PLS1: variants seen among roughly 807,000 people sequenced by gnomAD.
PLS1 encodes plastin-1.
A neutral mutation model predicts 73.7 loss-of-function variants in PLS1; 32 were observed. That is an observed-to-expected ratio of 0.43 (90% CI 0.33 to 0.58). The LOEUF is 0.58. Ranked by LOEUF, PLS1 falls within the 20% of genes least tolerant of loss-of-function variation. The probability of loss-of-function intolerance (pLI) is 0.04; values close to 1 mark genes in which losing one functional copy is unlikely to be tolerated. For synonymous variants in PLS1, 217 were observed against 261.3 expected (o/e 0.83, Z 1.63); for missense variants, 633 against 740.5 (o/e 0.85, Z 1.68).
chr3:142,648,289 G>A (rs1190926691), intron 1 of PLS1, among the ~76,000 whole-genome samples: 3 of 152,100 alleles, frequency 2.0e-5, no homozygotes, highest in Admixed American at 6.5e-5. Context: ...AGAACAATAC[G>A]GAAGAGGCCT....
chr3:142,685,135 A>G (rs1240724909), intron 8 of PLS1, among the ~76,000 whole-genome samples: 2 of 151,972 alleles, frequency 1.3e-5, no homozygotes, highest in South Asian at 4.1e-4. Context: ...CAGTCTCTCA[A>G]TTTGAAGTGA....
rs549426201 is a variant in PLS1 at position 142,704,758 on chromosome 3, C to T, written c.1629+172C>T. ...CTGCCTCCCAGGTTCACACCATTCT[C>T]CTGCCTCAGCCTCCTGAGTAGCTGG... On this transcript the variant is annotated intron_variant, in intron 14 of 15. Transcript: ENST00000457734. Among the ~76,000 whole-genome samples the T allele has an allele frequency of 1.6e-3, 235 of 148,244 alleles. 1 individual carries two copies. Among genetic ancestry groups the T allele is most frequent in the African/African-American group, 5.5e-3 (222 of 40,174 alleles).
chr3:142,599,323 CTTTTTTTT>C (rs869303176), intron 1 of PLS1, among the ~76,000 whole-genome samples: 5 of 44,208 alleles, frequency 1.1e-4, no homozygotes, highest in Non-Finnish European at 2.5e-4. Context: ...CTCAGATATT[CTTTTTTTT>C]TTTTTTTTTT....
At chr3:142,606,807 T>G (rs1037230131) in intron 1 of PLS1, among the ~76,000 whole-genome samples, 18 of 152,372 alleles carry the variant, frequency 1.2e-4, no homozygotes, top group Non-Finnish European at 2.6e-4. Flanking sequence ...AATATGCCAT[T>G]GTGTGGACAT....
At chr3:142,674,233 T>G (rs908956130) in intron 4 of PLS1, among the ~76,000 whole-genome samples, 23 of 152,210 alleles carry the variant, frequency 1.5e-4, no homozygotes, top group Admixed American at 1.5e-3. Flanking sequence ...AGTATTTTAG[T>G]GATCTCTGAA....
At chr3:142,681,599 C>G (rs953724086) in intron 6 of PLS1, among the ~76,000 whole-genome samples, 2 of 152,328 alleles carry the variant, frequency 1.3e-5, no homozygotes, top group African/African-American at 4.8e-5. Flanking sequence ...TCTCTTGTGT[C>G]TCTTGTGTTG....
chr3:142,670,251 C>T (rs1187524335), intron 3 of PLS1, among the ~76,000 whole-genome samples: 1 of 152,174 alleles, frequency 6.6e-6, no homozygotes, highest in Non-Finnish European at 1.5e-5. Flanking sequence ...GTAGACATGA[C>T]AGCATGTGTA....
At chr3:142,608,023 A>G (rs1022715600) in intron 1 of PLS1, among the ~76,000 whole-genome samples, 1 of 151,806 alleles carries the variant, frequency 6.6e-6, no homozygotes, top group African/African-American at 2.4e-5. Flanking sequence ...TATTTTATTT[A>G]TTTTTAGAGA....
intron 1 of PLS1, among the ~76,000 whole-genome samples, chr3:142,629,923 G>A (rs1272723768): frequency 6.6e-6 from 1 of 152,096 alleles, no homozygotes; most frequent in African/African-American, 2.4e-5. Context: ...AATGTCTCCA[G>A]ACATTGCCAG....
intron 1 of PLS1, among the ~76,000 whole-genome samples, chr3:142,620,147 C>T (rs2036288182): frequency 6.6e-6 from 1 of 150,552 alleles, no homozygotes; most frequent in Non-Finnish European, 1.5e-5. Context: ...CTTTTTGAGG[C>T]AGAGTCTTGC....
At chr3:142,659,035 G>T (rs1171857464) in intron 1 of PLS1, among the ~76,000 whole-genome samples, 1 of 152,196 alleles carries the variant, frequency 6.6e-6, no homozygotes, top group Non-Finnish European at 1.5e-5. Flanking sequence ...ACATTTTTAA[G>T]GGATGATGCT....
In PLS1 at chr3:142,608,250, G is replaced by A. The variant is rs576386542; in HGVS notation, c.-37+11741G>A. ...TCCTAACAAGAGCTTGATCACATTGGAAGATGATCAAATTCGGTAGTGGAG... is the reference window on the plus strand; with the variant it reads ...TCCTAACAAGAGCTTGATCACATTGAAAGATGATCAAATTCGGTAGTGGAG... On this transcript the variant is annotated intron_variant, in intron 1 of 15. Coordinates refer to ENST00000457734, the MANE Select transcript of PLS1 (RefSeq NM_001145319.2). Among the ~76,000 whole-genome samples the A allele has an allele frequency of 5.9e-5, 9 of 152,292 alleles. No homozygotes were observed. The South Asian group carries it at 1.7e-3, about 28-fold the overall frequency.
chr3:142,651,907 G>T (rs2037101347), intron 1 of PLS1, among the ~76,000 whole-genome samples: 8 of 152,222 alleles, frequency 5.3e-5, no homozygotes, highest in Admixed American at 5.2e-4. Flanking sequence ...AGCAGTGGCT[G>T]CTCCTTGTCA....
intron 14 of PLS1, among the ~76,000 whole-genome samples, chr3:142,708,419 T>G (rs910371512): frequency 6.6e-6 from 1 of 152,160 alleles, no homozygotes; most frequent in African/African-American, 2.4e-5. Context: ...ATTAATTTTT[T>G]GTACTTTTAG....
chr3:142,600,641 T>C (rs1481659389), intron 1 of PLS1, among the ~76,000 whole-genome samples: 1 of 151,850 alleles, frequency 6.6e-6, no homozygotes, highest in East Asian at 1.9e-4. Context: ...TCATAGCCAT[T>C]TTGCAAATCA....
At chr3:142,664,143 T>G in intron 1 of PLS1, 59 bp from the exon 2 acceptor site, 1 of 684,892 alleles carries the variant, frequency 1.5e-6, no homozygotes, top group African/African-American at 1.8e-5. Context: ...GTACCTTATA[T>G]TGCTTAGTTA....
rs544540735 is a variant in PLS1, at chr3:142,710,153, T to C, written c.1630-1348T>C. On this transcript the variant is annotated intron_variant, in intron 14 of 15. Transcript: ENST00000457734. Reference sequence around the variant, plus strand: ...ATTGGTTGAACCAATAATTGAAGAATGTCATTCAGGACTCTTTTTTTTTTT... The same window carrying C: ...ATTGGTTGAACCAATAATTGAAGAACGTCATTCAGGACTCTTTTTTTTTTT... Among the ~76,000 whole-genome samples the C allele has an allele frequency of 1.3e-3, 202 of 151,286 alleles. 1 individual carries two copies. The highest frequency in any genetic ancestry group is 4.7e-3 in the African/African-American group (195 of 41,320).
rs151000776 is a variant in PLS1 at position 142,641,591 on chromosome 3, T to C, written c.-36-22611T>C. The stretch of plus-strand genomic sequence containing the variant: ...GATTCCCAGTTTGGAAGTCTCTTAC[T>C]TTCATGCTGATGGATTCTTACAGTT... On this transcript the variant is annotated intron_variant, in intron 1 of 15. Transcript: ENST00000457734. Among the ~76,000 whole-genome samples, 14 of 152,256 alleles carry C rather than the reference T, an allele frequency of 9.2e-5. No homozygotes were observed. In the East Asian group the frequency reaches 2.7e-3, roughly 29 times the overall value.
intron 1 of PLS1, among the ~76,000 whole-genome samples, chr3:142,661,387 A>G (rs1023588282): frequency 3.7e-4 from 57 of 152,342 alleles, no homozygotes; most frequent in African/African-American, 1.3e-3. Flanking sequence ...GGACAATAGT[A>G]TATTTAAAAT....
Sources: allele counts gnomAD v4.1 joint callset (sites outside exome capture counted in the v4.1 genomes callset), GRCh38; gene constraint gnomAD v4.1.1; transcripts MANE v1.5; gene names NCBI Gene and HGNC (gene_info 2026-07-23, HGNC 2026-07-21).